ANKRD11: variants seen among roughly 807,000 people sequenced by gnomAD.
ANKRD11 encodes the protein ankyrin repeat domain 11.
ANKRD11 carries 17 observed loss-of-function variants against 195.7 expected under a neutral mutation model. The observed-to-expected ratio is 0.09, with a 90% CI of 0.06 to 0.13. The LOEUF is 0.13. ANKRD11 is among the 10% of genes least tolerant of loss of function. The probability of loss-of-function intolerance (pLI) is 1.00; values close to 1 mark genes in which losing one functional copy is unlikely to be tolerated. For synonymous variants in ANKRD11, 1,953 were observed against 1,528.1 expected (o/e 1.28, Z -6.49); for missense variants, 3,735 against 3,566.1 (o/e 1.05, Z -1.21).
rs139221070 is a variant in ANKRD11 at position 89,384,259 on chromosome 16, G to A, written c.-60+34025C>T. ...ACAAACATTTCTCAAGGCTGGGCACGGTGGCTCACGCCTGTAATCCCAGCA... is the reference window on the plus strand; with the variant it reads ...ACAAACATTTCTCAAGGCTGGGCACAGTGGCTCACGCCTGTAATCCCAGCA... On this transcript the variant is annotated intron_variant, in intron 2 of 12. Transcript: ENST00000301030. 6.2e-3 allele frequency among the ~76,000 whole-genome samples: 945 copies of A among 152,190 alleles called. 10 individuals carry two copies. Among genetic ancestry groups the A allele is most frequent in the African/African-American group, 0.022 (906 of 41,502 alleles).
At chr16:89,415,034 T>C (rs1206617926) in intron 2 of ANKRD11, among the ~76,000 whole-genome samples, 3 of 151,968 alleles carry the variant, frequency 2.0e-5, no homozygotes, top group Non-Finnish European at 4.4e-5. Context: ...AGCCTCAACC[T>C]CCTGGGCTCA....
At chr16:89,442,900 C>T (rs1179638763) in intron 1 of ANKRD11, among the ~76,000 whole-genome samples, 2 of 152,254 alleles carry the variant, frequency 1.3e-5, no homozygotes, top group African/African-American at 4.8e-5. Context: ...CTCAACACCT[C>T]ACCACAGCAC....
At chr16:89,360,235 T>C (rs149905008) in intron 2 of ANKRD11, among the ~76,000 whole-genome samples, 23 of 152,346 alleles carry the variant, frequency 1.5e-4, no homozygotes, top group African/African-American at 5.5e-4. Context: ...AAAGACATGA[T>C]CTCGTTCATT....
At chr16:89,482,289 C>A (rs1039728011) in intron 1 of ANKRD11, among the ~76,000 whole-genome samples, 1 of 152,142 alleles carries the variant, frequency 6.6e-6, no homozygotes, top group African/African-American at 2.4e-5. Context: ...TCAGCCACAC[C>A]GTGCTTTACA....
rs749327729 is a variant in ANKRD11 at position 89,285,397 on chromosome 16, G to A, written c.1145C>T (p.Ser382Phe). 2 of 1,614,050 alleles carry A rather than the reference G, an allele frequency of 1.2e-6. No individual in the cohort carries two copies. Among genetic ancestry groups the A allele is most frequent in the East Asian group, 4.5e-5 (2 of 44,900 alleles). The change falls in exon 9 of 13, where the codon TCT (serine) becomes TTT (phenylalanine). Residue 382 changes from serine (S) to phenylalanine (F), a missense_variant. By Grantham distance (155) the Ser-to-Phe change is radical (BLOSUM62 -2). Transcript: ENST00000301030. The surrounding 1 kb of genome is among the most constrained non-coding windows in gnomAD (Gnocchi z 5.6). ...RKETKSNSFI[S>F]IPKMEVKSYT... is the part of the protein sequence containing the mutation. ...ACTTTTAACCTCCATTTTGGGTATA[G>A]AGATAAAACTATTGGATTTCGTTTC...
rs542331563 is a variant in ANKRD11, at chr16:89,358,795, T to C, written c.-59-41717A>G. Among the ~76,000 whole-genome samples the C allele has an allele frequency of 3.3e-5, 5 of 151,498 alleles. No individual in the cohort carries two copies. The South Asian group carries it at 1.0e-3, about 32-fold the overall frequency. Reference sequence around the variant, plus strand: ...TTCCCCTGTGCCGCTAAAACCCACATCTCACATTTCAGTTATAGTTTGTTT... The same window carrying C: ...TTCCCCTGTGCCGCTAAAACCCACACCTCACATTTCAGTTATAGTTTGTTT... On this transcript the variant is annotated intron_variant, in intron 2 of 12. Coordinates refer to ENST00000301030, the MANE Select transcript of ANKRD11 (RefSeq NM_013275.6).
At chr16:89,409,854 T>TTTATTTATTTATTTATTTA in intron 2 of ANKRD11, among the ~76,000 whole-genome samples, 1 of 141,038 alleles carries the variant, frequency 7.1e-6, no homozygotes, top group African/African-American at 3.2e-5. Flanking sequence ...TTATTTATTT[T>TTTATTTATTTATTTATTTA]TTGAGATGGG....
rs1375652889 is a variant in ANKRD11 at position 89,274,966 on chromosome 16, G to A, written c.7570-9C>T. 26 of 1,613,122 alleles carry A rather than the reference G, an allele frequency of 1.6e-5. No individual in the cohort carries two copies. Among genetic ancestry groups the A allele is most frequent in the East Asian group, 2.2e-5 (1 of 44,900 alleles). ...GATACGATCAGCTTCTCCTGAAGGA[G>A]GAGAGGAGTAGAGTGAGCTGGGACA... On this transcript the variant is annotated splice_polypyrimidine_tract_variant and intron_variant, in intron 10 of 12. Coordinates refer to ENST00000301030, the MANE Select transcript of ANKRD11 (RefSeq NM_013275.6).
At chr16:89,467,846 G>A (rs527884647) in intron 1 of ANKRD11, among the ~76,000 whole-genome samples, 2 of 152,276 alleles carry the variant, frequency 1.3e-5, no homozygotes, top group South Asian at 4.1e-4. Flanking sequence ...TGTTGCCCGG[G>A]CTCAAGTGGA....
intron 1 of ANKRD11, among the ~76,000 whole-genome samples, chr16:89,429,594 C>T (rs77051972): frequency 6.3e-5 from 2 of 31,874 alleles, no homozygotes; most frequent in African/African-American, 2.7e-4. Flanking sequence ...ACAGCAGGGA[C>T]TCTCAACTCT....
intron 1 of ANKRD11, among the ~76,000 whole-genome samples, chr16:89,449,846 A>G (rs536330424): frequency 2.5e-4 from 37 of 150,110 alleles, no homozygotes; most frequent in Non-Finnish European, 5.0e-4. Context: ...AGGTGCTCAC[A>G]TACTGGCAAC....
At chr16:89,313,510 C>G (rs2036740939) in intron 3 of ANKRD11, 1 of 1,289,112 alleles carries the variant, frequency 7.8e-7, no homozygotes, top group South Asian at 1.2e-5. Flanking sequence ...AGCGCGGCAT[C>G]AGGATGCACT....
chr16:89,428,185 G>A (rs1019733464), intron 1 of ANKRD11, among the ~76,000 whole-genome samples: 1 of 151,612 alleles, frequency 6.6e-6, no homozygotes, highest in Non-Finnish European at 1.5e-5. Flanking sequence ...TACAGCCTAG[G>A]CAGCAGAGCA....
chr16:89,336,666 CA>C (rs1555546213), intron 2 of ANKRD11, among the ~76,000 whole-genome samples: 1 of 152,202 alleles, frequency 6.6e-6, no homozygotes, highest in Non-Finnish European at 1.5e-5. Flanking sequence ...TGGGCCACGA[CA>C]GGGAGCACAG....
chr16:89,369,972 G>C (rs1478779790), intron 2 of ANKRD11, among the ~76,000 whole-genome samples: 1 of 152,178 alleles, frequency 6.6e-6, no homozygotes, highest in Non-Finnish European at 1.5e-5. Flanking sequence ...CCAGCTGCAG[G>C]ATGGAAGCTC....
chr16:89,304,453 C>T (rs2036044432), intron 4 of ANKRD11, among the ~76,000 whole-genome samples: 1 of 151,768 alleles, frequency 6.6e-6, no homozygotes, highest in African/African-American at 2.4e-5. Flanking sequence ...CAAAAGCATA[C>T]ACATACTCAG....
intron 2 of ANKRD11, among the ~76,000 whole-genome samples, chr16:89,351,412 C>A (rs2039213145): frequency 6.6e-6 from 1 of 152,236 alleles, no homozygotes; most frequent in Admixed American, 6.5e-5. Flanking sequence ...GACTTCACCA[C>A]ACACCCTCCA....
At chr16:89,447,203 C>G (rs2043832180) in intron 1 of ANKRD11, among the ~76,000 whole-genome samples, 1 of 152,086 alleles carries the variant, frequency 6.6e-6, no homozygotes, top group African/African-American at 2.4e-5. Context: ...CCATTAGTAC[C>G]AAAAGTTTAA....
At chr16:89,271,198 G>T in intron 11 of ANKRD11, 1 of 489,596 alleles carries the variant, frequency 2.0e-6, no homozygotes, top group South Asian at 2.0e-5. Flanking sequence ...GCCCCCAGGG[G>T]ACAGTCAGAG....
Sources: gnomAD v4.1 joint callset for allele counts (sites outside exome capture counted in the v4.1 genomes callset) on GRCh38, gnomAD v4.1.1 for gene constraint, Gnocchi (gnomAD v3.1) non-coding constraint, MANE v1.5 for transcripts, NCBI Gene and HGNC (gene_info 2026-07-23, HGNC 2026-07-21) for gene names.